Variants in NFIX observed in about 807,000 individuals in gnomAD.
NFIX encodes nuclear factor 1 X-type.
Under a neutral mutation model 53.3 loss-of-function variants are expected in NFIX, and 2 were observed. The observed-to-expected ratio is 0.04, with a 90% CI of 0.02 to 0.12. The LOEUF (loss-of-function observed/expected upper bound fraction) is 0.12, where lower values mean the gene tolerates loss of function less well. Among genes scored for constraint, NFIX ranks in the 10% least tolerant of loss-of-function variants. The pLI, the probability that NFIX is intolerant of heterozygous loss-of-function variation, is 1.00. For synonymous variants in NFIX, 244 were observed against 289.0 expected (o/e 0.84, Z 1.58); for missense variants, 310 against 674.5 (o/e 0.46, Z 5.99).
At position 13,097,055 on chromosome 19, in the gene NFIX, T is replaced by C. The variant is rs1453500976; in HGVS notation, c.*2406T>C. 1 of 149,850 alleles carries C rather than the reference T, an allele frequency of 6.7e-6. No homozygotes were observed. Among genetic ancestry groups the C allele is most frequent in the Non-Finnish European group, 1.5e-5 (1 of 66,812 alleles). 9.3% of individuals were successfully genotyped at this position (149,850 alleles called of 1,614,324 possible). Reference sequence around the variant, plus strand: ...TTTCCTATCTTTGTATGTTAAGAGATTAAGAAAAAAAAATTCTATTTTTGT... The same window carrying C: ...TTTCCTATCTTTGTATGTTAAGAGACTAAGAAAAAAAAATTCTATTTTTGT... On this transcript the variant is annotated 3_prime_UTR_variant, in exon 11 of 11. Transcript: ENST00000592199.
At chr19:13,074,726 G>T (rs1444174367) in intron 5 of NFIX, among the ~76,000 whole-genome samples, 2 of 150,866 alleles carry the variant, frequency 1.3e-5, no homozygotes, top group Non-Finnish European at 3.0e-5. Context: ...TTTTAAAACG[G>T]GTGTTTATAT....
intron 2 of NFIX, among the ~76,000 whole-genome samples, chr19:13,039,724 G>A (rs1449677223): frequency 1.3e-5 from 2 of 152,200 alleles, no homozygotes; most frequent in African/African-American, 4.8e-5. Flanking sequence ...GTGATACTTA[G>A]CATGCAGTTT....
intron 2 of NFIX, among the ~76,000 whole-genome samples, chr19:13,046,629 T>A (rs1412902477): frequency 6.6e-6 from 1 of 152,190 alleles, no homozygotes; most frequent in African/African-American, 2.4e-5. Context: ...GGGGAGGGGC[T>A]TCCTGTCAAA....
At position 13,060,907 on chromosome 19, in the gene NFIX, T is replaced by A. The variant is rs1382782603; in HGVS notation, c.560-12140T>A. On this transcript the variant is annotated intron_variant, in intron 2 of 10. Transcript: ENST00000592199. This position sits in a 1 kb window ranked among gnomAD's most constrained non-coding sequence, Gnocchi z 4.3. ...TTTTTCTTCCTGACTTTTCTCCATT[T>A]CTGTCTCTGGTTCCTGATCTCTGAC... Among the ~76,000 whole-genome samples, 1 of 152,156 alleles carries A rather than the reference T, an allele frequency of 6.6e-6. No individual in the cohort carries two copies. The highest frequency in any genetic ancestry group is 1.9e-4 in the East Asian group (1 of 5,194).
intron 2 of NFIX, among the ~76,000 whole-genome samples, chr19:13,048,780 A>G (rs2015147689): frequency 6.6e-6 from 1 of 152,222 alleles, no homozygotes; most frequent in Non-Finnish European, 1.5e-5. Flanking sequence ...TCAGTATTTT[A>G]AAGTGTACAG....
rs925902753 is a variant in NFIX, at chr19:13,067,702, G to A, written c.560-5345G>A. 2.6e-5 allele frequency among the ~76,000 whole-genome samples: 4 copies of A among 152,062 alleles called. No homozygotes were observed. The highest frequency in any genetic ancestry group is 6.5e-5 in the Admixed American group (1 of 15,270). ...CCCTTTCACAGTACAAGTTTGTTTC[G>A]AGCAGGAGCTGAGGGCAGTGTTGGC... On this transcript the variant is annotated intron_variant, in intron 2 of 10. Coordinates refer to ENST00000592199, the MANE Select transcript of NFIX (RefSeq NM_001365902.3). This position sits in a 1 kb window ranked among gnomAD's most constrained non-coding sequence, Gnocchi z 4.2.
In NFIX at chr19:13,049,063, C is replaced by T. The variant is rs1343623892; in HGVS notation, c.559+23511C>T. Among the ~76,000 whole-genome samples the T allele has an allele frequency of 6.6e-6, 1 of 151,500 alleles. No homozygotes were observed. Among genetic ancestry groups the T allele is most frequent in the Non-Finnish European group, 1.5e-5 (1 of 67,874 alleles). On this transcript the variant is annotated intron_variant, in intron 2 of 10. Transcript: ENST00000592199. This position sits in a 1 kb window ranked among gnomAD's most constrained non-coding sequence, Gnocchi z 4.5. ...CTGTACCCCAGCCTGGGCGACAGAG[C>T]AAGACTCTGTCTAAAAAAAAACAAA...
At position 13,094,772 on chromosome 19, in the gene NFIX, C is replaced by A. The variant is rs1352374921; in HGVS notation, c.*123C>A. 1 of 1,039,020 alleles carries A rather than the reference C, an allele frequency of 9.6e-7. No homozygotes were observed. The highest frequency in any genetic ancestry group is 1.4e-6 in the Non-Finnish European group (1 of 708,314). 64.4% of individuals were successfully genotyped at this position (1,039,020 alleles called of 1,614,324 possible). On this transcript the variant is annotated 3_prime_UTR_variant, in exon 11 of 11. Transcript: ENST00000592199. This position sits in a 1 kb window ranked among gnomAD's most constrained non-coding sequence, Gnocchi z 4.3. ...GCCCCACCGAAAAGCAAAAATTACA[C>A]GTCGTCAGCCACTCAGCCCTTCTCT... is the stretch of plus-strand genomic sequence containing the variant.
At chr19:13,024,519 C>T (rs747672214) in intron 1 of NFIX, 13 of 1,514,200 alleles carry the variant, frequency 8.6e-6, no homozygotes, top group Middle Eastern at 2.0e-4. Context: ...AAAAATCGAC[C>T]GGTGTCGGGG....
chr19:13,019,587 T>C (rs1040412041), intron 1 of NFIX, among the ~76,000 whole-genome samples: 2 of 152,148 alleles, frequency 1.3e-5, no homozygotes, highest in African/African-American at 4.8e-5. Context: ...TCGTTCTCCT[T>C]CTCTCTATTT....
intron 1 of NFIX, among the ~76,000 whole-genome samples, chr19:13,003,374 A>G (rs971547093): frequency 6.6e-6 from 1 of 152,212 alleles, no homozygotes; most frequent in African/African-American, 2.4e-5. Context: ...ATCACATGCC[A>G]TGAAGCACAC....
At chr19:13,007,666 A>G (rs1206424945) in intron 1 of NFIX, among the ~76,000 whole-genome samples, 1 of 152,098 alleles carries the variant, frequency 6.6e-6, no homozygotes, top group East Asian at 1.9e-4. Context: ...GTGTCCCCAG[A>G]TGGGGCAAGG....
Position 13,009,431 on chromosome 19 carries a change from G to A in NFIX, c.27+13567G>A, listed in dbSNP as rs2012208458. Among the ~76,000 whole-genome samples the A allele has an allele frequency of 6.6e-6, 1 of 152,194 alleles. No homozygotes were observed. The highest frequency in any genetic ancestry group is 2.1e-4 in the South Asian group (1 of 4,834). On this transcript the variant is annotated intron_variant, in intron 1 of 10. Coordinates refer to ENST00000592199, the MANE Select transcript of NFIX (RefSeq NM_001365902.3). The surrounding 1 kb of genome is among the most constrained non-coding windows in gnomAD (Gnocchi z 4.7). Reference sequence around the variant, plus strand: ...CCGCAAGGTCAAGTGCCAAGGTCATGGGGCTAGAAGCAGGGTGGTGGGGAT... The same window carrying A: ...CCGCAAGGTCAAGTGCCAAGGTCATAGGGCTAGAAGCAGGGTGGTGGGGAT...
chr19:13,048,572 G>A (rs987329286), intron 2 of NFIX, among the ~76,000 whole-genome samples: 1 of 151,762 alleles, frequency 6.6e-6, no homozygotes, highest in East Asian at 1.9e-4. Context: ...ATTTTAAAGT[G>A]TACAAGGCCA....
chr19:13,065,584 T>A (rs771870650), intron 2 of NFIX, among the ~76,000 whole-genome samples: 11 of 152,168 alleles, frequency 7.2e-5, no homozygotes, highest in Non-Finnish European at 1.3e-4. Flanking sequence ...GGGCTGATCC[T>A]GGAGTGGCCA....
intron 2 of NFIX, among the ~76,000 whole-genome samples, chr19:13,044,787 C>T (rs562953093): frequency 7.9e-5 from 12 of 152,244 alleles, no homozygotes; most frequent in African/African-American, 2.4e-4. Flanking sequence ...AATTACAGGG[C>T]GCTGCGTCTC....
intron 1 of NFIX, 122 bp downstream of exon 1, chr19:12,995,986 G>A (rs1287770148): frequency 3.7e-6 from 1 of 270,194 alleles, no homozygotes; most frequent in Non-Finnish European, 5.6e-6. Flanking sequence ...GCGGGCCGCC[G>A]AGGGGTGCAG....
chr19:13,030,517 A>G (rs554768590), intron 2 of NFIX, among the ~76,000 whole-genome samples: 3 of 152,268 alleles, frequency 2.0e-5, no homozygotes, highest in Admixed American at 2.0e-4. Context: ...ACAGGACAGC[A>G]TTTGAAATAC....
chr19:13,018,284 G>A (rs182220546), intron 1 of NFIX, among the ~76,000 whole-genome samples: 3 of 136,292 alleles, frequency 2.2e-5, no homozygotes, highest in Admixed American at 8.2e-5. Flanking sequence ...CTGTTGGCCC[G>A]ATCCCAGGCC....
Sources: gnomAD v4.1 joint callset for allele counts (sites outside exome capture counted in the v4.1 genomes callset) on GRCh38, gnomAD v4.1.1 for gene constraint, Gnocchi (gnomAD v3.1) non-coding constraint, MANE v1.5 for transcripts, NCBI Gene and HGNC (gene_info 2026-07-23, HGNC 2026-07-21) for gene names.